Variants in SCN8A observed in about 807,000 individuals in gnomAD.
The protein encoded by SCN8A is sodium voltage-gated channel alpha subunit 8.
A neutral mutation model predicts 184.1 loss-of-function variants in SCN8A; 30 were observed. The ratio of observed to expected loss-of-function variants is 0.16; its 90% confidence interval spans 0.12 to 0.22. The LOEUF is 0.22. Ranked by LOEUF, SCN8A falls within the 10% of genes least tolerant of loss-of-function variation. SCN8A has a pLI of 1.00. For synonymous variants in SCN8A, 852 were observed against 907.0 expected (o/e 0.94, Z 1.09); for missense variants, 1,057 against 2,498.9 (o/e 0.42, Z 12.30).
chr12:51,751,248 A>G, intron 13 of SCN8A, 107 bp from the exon 14 acceptor site: 1 of 777,712 alleles, frequency 1.3e-6, no homozygotes. Context: ...GCTCAAAACA[A>G]CCTTGATTCC....
chr12:51,591,728 C>T (rs1001347069), intron 1 of SCN8A, among the ~76,000 whole-genome samples: 6 of 152,244 alleles, frequency 3.9e-5, no homozygotes, highest in African/African-American at 1.4e-4. Flanking sequence ...GTTGGGGCCC[C>T]TAGCCGGCTT....
At chr12:51,672,220 G>C (rs915078903) in intron 2 of SCN8A, among the ~76,000 whole-genome samples, 1 of 152,108 alleles carries the variant, frequency 6.6e-6, no homozygotes, top group African/African-American at 2.4e-5. Context: ...GTAAAGAGGA[G>C]GGTTTACTCA....
intron 1 of SCN8A, among the ~76,000 whole-genome samples, chr12:51,639,254 C>T (rs1157527488): frequency 1.3e-5 from 2 of 152,190 alleles, no homozygotes; most frequent in Non-Finnish European, 2.9e-5. Context: ...GCTGGGATTA[C>T]AGCGTGCTGG....
chr12:51,779,992 C>CCA (rs1937843886), intron 20 of SCN8A, among the ~76,000 whole-genome samples: 1 of 38,728 alleles, frequency 2.6e-5, no homozygotes, highest in Admixed American at 3.7e-4. Flanking sequence ...TCTCATGGAG[C>CCA]CACAGTTCTT....
At chr12:51,668,054 A>C (rs937214635) in intron 2 of SCN8A, among the ~76,000 whole-genome samples, 1 of 151,882 alleles carries the variant, frequency 6.6e-6, no homozygotes, top group Non-Finnish European at 1.5e-5. Flanking sequence ...GTGGTGGTGC[A>C]TGCCTATAGT....
chr12:51,734,332 A>G (rs1034647660), intron 12 of SCN8A, among the ~76,000 whole-genome samples: 5 of 152,242 alleles, frequency 3.3e-5, no homozygotes, highest in African/African-American at 1.2e-4. Context: ...AGCCCCAAAC[A>G]GAGATTTACC....
intron 1 of SCN8A, among the ~76,000 whole-genome samples, chr12:51,641,691 G>A (rs375715293): frequency 6.6e-6 from 1 of 152,158 alleles, no homozygotes; most frequent in Non-Finnish European, 1.5e-5. Context: ...AGACCAATGC[G>A]TGTCCCACAT....
chr12:51,794,666 G>A (rs774550277), intron 26 of SCN8A, 25 bp downstream of exon 26: 14 of 1,607,024 alleles, frequency 8.7e-6, no homozygotes, highest in Middle Eastern at 3.3e-4. Context: ...GGAAGTAGGC[G>A]AGGGGAAAGG....
intron 11 of SCN8A, among the ~76,000 whole-genome samples, chr12:51,719,557 C>T (rs1392081663): frequency 1.4e-5 from 1 of 73,310 alleles, no homozygotes; most frequent in Non-Finnish European, 2.7e-5. Flanking sequence ...ACAGGCTGGG[C>T]GTGGTGCCTC....
chr12:51,756,708 T>C (rs937861411), intron 14 of SCN8A, among the ~76,000 whole-genome samples: 2 of 152,132 alleles, frequency 1.3e-5, no homozygotes, highest in African/African-American at 4.8e-5. Flanking sequence ...ATGGACCTCC[T>C]CGCTCCCCTC....
chr12:51,790,993 G>C (rs652818), intron 25 of SCN8A, among the ~76,000 whole-genome samples: 130,742 of 152,100 alleles, frequency 0.86, 56,390 homozygotes, highest in East Asian at 0.98. Flanking sequence ...TGCCCTGATT[G>C]CCTCTCTTGA....
chr12:51,741,244 T>A (rs1942417609), intron 12 of SCN8A, among the ~76,000 whole-genome samples: 1 of 152,270 alleles, frequency 6.6e-6, no homozygotes, highest in Non-Finnish European at 1.5e-5. Flanking sequence ...ATTTTTGTCT[T>A]AAAATCTATT....
chr12:51,730,639 C>G (rs577314916), intron 12 of SCN8A, among the ~76,000 whole-genome samples: 1 of 152,204 alleles, frequency 6.6e-6, no homozygotes, highest in South Asian at 2.1e-4. Context: ...GCATGCAATG[C>G]TTAATGATCA....
chr12:51,807,184 G>A lies in SCN8A; in HGVS notation c.5698G>A (p.Val1900Met). The change falls in exon 27 of 27, where the codon GTG (valine) becomes ATG (methionine). Residue 1900 changes from valine (V) to methionine (M), a missense_variant. Val to Met is a conservative substitution (Grantham distance 21, BLOSUM62 1). Transcript: ENST00000627620. This position sits in a 1 kb window ranked among gnomAD's most constrained non-coding sequence, Gnocchi z 4.5. ...LRRKQEEVSA[V>M]VLQRAYRGHL... ...TCGCAAGCAGGAGGAGGTATCTGCA[G>A]TGGTCCTGCAGCGTGCCTACCGGGG... The A allele has an allele frequency of 6.2e-7, 1 of 1,613,998 alleles. No individual in the cohort carries two copies. The highest frequency in any genetic ancestry group is 8.5e-7 in the Non-Finnish European group (1 of 1,179,898).
At chr12:51,737,088 G>A (rs1942338190) in intron 12 of SCN8A, among the ~76,000 whole-genome samples, 1 of 152,142 alleles carries the variant, frequency 6.6e-6, no homozygotes, top group Non-Finnish European at 1.5e-5. Context: ...TCAGCTAAAC[G>A]GGTTTGCCAA....
At chr12:51,787,531 C>T (rs1203126107) in intron 22 of SCN8A, among the ~76,000 whole-genome samples, 1 of 152,162 alleles carries the variant, frequency 6.6e-6, no homozygotes, top group East Asian at 1.9e-4. Context: ...ACAAATTATT[C>T]AGCCTCTCTG....
rs1395279881 is a variant in SCN8A, at chr12:51,769,094, G to A, written c.3131G>A (p.Cys1044Tyr). Reference sequence around the variant, plus strand: ...GAGTTGTATGAAAAGAAGGCCAACTGTATCGCCAATCACACCGGTGCAGAC... The same window carrying A: ...GAGTTGTATGAAAAGAAGGCCAACTATATCGCCAATCACACCGGTGCAGAC... ...LDELYEKKANCIANHTGADIH... is the reference protein window; with the variant it reads ...LDELYEKKANYIANHTGADIH... Residue 1044 changes from cysteine (C) to tyrosine (Y), a missense_variant, in exon 17 of 27, where the codon TGT (cysteine) becomes TAT (tyrosine). Coordinates refer to ENST00000627620, the MANE Select transcript of SCN8A (RefSeq NM_001330260.2). 2 of 1,613,676 alleles carry A rather than the reference G, an allele frequency of 1.2e-6. No homozygotes were observed. Among genetic ancestry groups the A allele is most frequent in the South Asian group, 1.1e-5 (1 of 91,014 alleles).
intron 2 of SCN8A, among the ~76,000 whole-genome samples, chr12:51,676,159 A>C (rs1941219342): frequency 6.6e-6 from 1 of 152,140 alleles, no homozygotes; most frequent in South Asian, 2.1e-4. Context: ...TGGTGTCTTT[A>C]TGTCCTGCTT....
intron 21 of SCN8A, 50 bp downstream of exon 21, chr12:51,780,821 T>G: frequency 6.6e-7 from 1 of 1,525,034 alleles, no homozygotes; most frequent in Non-Finnish European, 8.7e-7. Flanking sequence ...GGAAACTGTT[T>G]AAGCATGCTA....
Sources: gnomAD v4.1 joint callset for allele counts (sites outside exome capture counted in the v4.1 genomes callset) on GRCh38, gnomAD v4.1.1 for gene constraint, Gnocchi (gnomAD v3.1) non-coding constraint, MANE v1.5 for transcripts, NCBI Gene and HGNC (gene_info 2026-07-23, HGNC 2026-07-21) for gene names.